Variants in SLC44A3 observed in about 807,000 individuals in gnomAD.
SLC44A3 encodes solute carrier family 44 member 3.
SLC44A3 carries 74 observed loss-of-function variants against 75.4 expected under a neutral mutation model. The ratio of observed to expected loss-of-function variants is 0.98; its 90% CI spans 0.81 to 1.19. The LOEUF is 1.19. SLC44A3 is among the 50% of genes most tolerant of loss of function. SLC44A3 has a pLI of 0.00. For missense variants in SLC44A3, 700 were observed against 778.6 expected, an observed-to-expected ratio of 0.90 and a Z score of 1.20; for synonymous variants, 310 against 296.9, an observed-to-expected ratio of 1.04 and a Z score of -0.45.
At chr1:94,835,768 A>G (rs746976537) in intron 5 of SLC44A3, among the ~76,000 whole-genome samples, 1 of 152,204 alleles carries the variant, frequency 6.6e-6, no homozygotes, top group Non-Finnish European at 1.5e-5. Context: ...TAAACTTCCT[A>G]TGATATTTAC....
At chr1:94,852,666 TA>T (rs1468201829) in intron 9 of SLC44A3, among the ~76,000 whole-genome samples, 2 of 152,144 alleles carry the variant, frequency 1.3e-5, no homozygotes, top group African/African-American at 2.4e-5. Flanking sequence ...AGTGATTCAG[TA>T]AGAAGAGGAT....
At chr1:94,892,933 A>C (rs890328731) in intron 14 of SLC44A3, among the ~76,000 whole-genome samples, 1 of 152,156 alleles carries the variant, frequency 6.6e-6, no homozygotes, top group African/African-American at 2.4e-5. Context: ...CATACCCACT[A>C]TATTAGGGAG....
At chr1:94,869,846 A>G (rs1377167236) in intron 12 of SLC44A3, among the ~76,000 whole-genome samples, 1 of 152,232 alleles carries the variant, frequency 6.6e-6, no homozygotes, top group Non-Finnish European at 1.5e-5. Context: ...TCTGGAAATC[A>G]GATTTAAAAA....
chr1:94,888,893 C>CTATATATA lies in SLC44A3; in HGVS notation c.1483-2226_1483-2219dup, dbSNP rs34513886. Among the ~76,000 whole-genome samples the CTATATATA allele has an allele frequency of 4.3e-3, 625 of 146,950 alleles. 5 individuals carry two copies. The highest frequency in any genetic ancestry group is 0.011 in the African/African-American group (427 of 39,628). ...CATAGGCATGTGCCACCACGACTGGCTATATATATATATATATACACATAT... is the reference window on the plus strand; with the variant it reads ...CATAGGCATGTGCCACCACGACTGGCTATATATATATATATATATATATATACACATAT... On this transcript the variant is annotated intron_variant, in intron 12 of 14. Transcript: ENST00000271227.
At chr1:94,872,471 A>C (rs904058767) in intron 12 of SLC44A3, among the ~76,000 whole-genome samples, 1 of 151,640 alleles carries the variant, frequency 6.6e-6, no homozygotes, top group Non-Finnish European at 1.5e-5. Flanking sequence ...TTCTTCTTCC[A>C]GCAGAAGTGG....
chr1:94,831,903 G>C (rs1040142567), intron 5 of SLC44A3, among the ~76,000 whole-genome samples: 1 of 152,172 alleles, frequency 6.6e-6, no homozygotes, highest in African/African-American at 2.4e-5. Flanking sequence ...GCCGGGCATA[G>C]TGGCTCACAT....
intron 12 of SLC44A3, among the ~76,000 whole-genome samples, chr1:94,876,170 GC>G (rs763250591): frequency 3.9e-5 from 6 of 152,226 alleles, no homozygotes; most frequent in Admixed American, 1.3e-4. Context: ...GTGGGGAGGT[GC>G]CTCAGAGTGG....
intron 13 of SLC44A3, among the ~76,000 whole-genome samples, chr1:94,891,709 G>T (rs1219567675): frequency 6.6e-6 from 1 of 152,164 alleles, no homozygotes; most frequent in Non-Finnish European, 1.5e-5. Context: ...GATCACTTGA[G>T]GTCAGGAGTT....
At chr1:94,864,696 C>T in intron 10 of SLC44A3, 47 bp from the exon 11 acceptor site, 1 of 1,577,996 alleles carries the variant, frequency 6.3e-7, no homozygotes, top group African/African-American at 1.4e-5. Flanking sequence ...GCTTTTGCTG[C>T]TTTATAAAAA....
At chr1:94,893,424 A>G (rs1670435302) in intron 14 of SLC44A3, among the ~76,000 whole-genome samples, 1 of 152,000 alleles carries the variant, frequency 6.6e-6, no homozygotes, top group Admixed American at 6.5e-5. Flanking sequence ...CTTGTTGCCC[A>G]GGCTTGAGTG....
chr1:94,827,681 T>C (rs1553195462), intron 4 of SLC44A3, 38 bp downstream of exon 4: 2 of 1,609,902 alleles, frequency 1.2e-6, no homozygotes, highest in Non-Finnish European at 1.7e-6. Flanking sequence ...TTCCCCATGA[T>C]GGGGTAAGCT....
chr1:94,894,752 T>TCGGC lies in SLC44A3; in HGVS notation c.1858-64_1858-61dup, dbSNP rs1430368498. On this transcript the variant is annotated intron_variant, in intron 14 of 14. Coordinates refer to ENST00000271227, the MANE Select transcript of SLC44A3 (RefSeq NM_001114106.3). The stretch of plus-strand genomic sequence containing the variant: ...CAGAGGGCAAAGGAGAAGTTTTCCC[T>TCGGC]CGGCCCCTACGTTATCAACAGTACA... 2.6e-5 allele frequency: 36 copies of TCGGC among 1,364,580 alleles called. No individual in the cohort carries two copies. The South Asian group carries it at 3.9e-4, about 15-fold the overall frequency. The allele number at this position is 1,364,580 out of a possible 1,614,324, so 84.5% of individuals were successfully genotyped here. A position where few individuals can be genotyped will look rare whatever the true frequency, so the allele number is the denominator to read the frequency against.
intron 6 of SLC44A3, among the ~76,000 whole-genome samples, chr1:94,838,523 C>G (rs1180051748): frequency 2.6e-5 from 4 of 152,234 alleles, no homozygotes; most frequent in South Asian, 4.1e-4. Context: ...CCCCTTTAGA[C>G]AGTGGTAAGA....
At chr1:94,862,104 C>T (rs11587108) in intron 10 of SLC44A3, among the ~76,000 whole-genome samples, 19,634 of 152,210 alleles carry the variant, frequency 0.13, 1,464 homozygotes, top group Middle Eastern at 0.24. Context: ...CTAATAAAGA[C>T]GATTTTCATT....
intron 5 of SLC44A3, among the ~76,000 whole-genome samples, chr1:94,833,536 C>T (rs1323253802): frequency 6.6e-6 from 1 of 152,146 alleles, no homozygotes; most frequent in African/African-American, 2.4e-5. Context: ...CACAACTAGA[C>T]CCCAGGAAGC....
chr1:94,820,530 A>T, intron 1 of SLC44A3, 52 bp downstream of exon 1: 4 of 1,472,890 alleles, frequency 2.7e-6, no homozygotes, highest in Non-Finnish European at 3.6e-6. Context: ...GGAAGGGTCG[A>T]GTCCCCCGCC....
intron 5 of SLC44A3, among the ~76,000 whole-genome samples, chr1:94,829,054 C>T (rs1024271228): frequency 7.9e-5 from 12 of 152,188 alleles, no homozygotes; most frequent in East Asian, 1.9e-4. Flanking sequence ...TCCTGGCCAA[C>T]GTGGTGAATC....
chr1:94,877,057 C>A (rs1247960279), intron 12 of SLC44A3, among the ~76,000 whole-genome samples: 1 of 151,890 alleles, frequency 6.6e-6, no homozygotes, highest in African/African-American at 2.4e-5. Context: ...CTCTGGTACC[C>A]CCTCACTCCC....
At chr1:94,875,179 A>G (rs539460224) in intron 12 of SLC44A3, among the ~76,000 whole-genome samples, 11 of 152,178 alleles carry the variant, frequency 7.2e-5, no homozygotes, top group Non-Finnish European at 1.0e-4. Flanking sequence ...TGCTCCCTCC[A>G]AATTTGCCCA....
Sources: allele counts gnomAD v4.1 joint callset (sites outside exome capture counted in the v4.1 genomes callset), GRCh38; gene constraint gnomAD v4.1.1; transcripts MANE v1.5; gene names NCBI Gene and HGNC (gene_info 2026-07-23, HGNC 2026-07-21).